Variants in NSFL1C observed in about 807,000 individuals in gnomAD.
NSFL1C encodes NSFL1 cofactor p47.
In NSFL1C, 14 loss-of-function variants were observed where a neutral mutation model predicts 43.1. The ratio of observed to expected loss-of-function variants is 0.32; its 90% CI spans 0.21 to 0.51. The LOEUF (loss-of-function observed/expected upper bound fraction) is 0.51. Among genes scored for constraint, NSFL1C ranks in the 20% least tolerant of loss-of-function variants. NSFL1C has a pLI of 0.98. For missense variants in NSFL1C, 406 were observed against 472.5 expected, an observed-to-expected ratio of 0.86 and a Z score of 1.30; for synonymous variants, 171 against 183.5, an observed-to-expected ratio of 0.93 and a Z score of 0.55.
chr20:1,453,852 G>C (rs2090236248), intron 5 of NSFL1C, among the ~76,000 whole-genome samples: 1 of 152,046 alleles, frequency 6.6e-6, no homozygotes, highest in Non-Finnish European at 1.5e-5. Flanking sequence ...AAAAAGAAAA[G>C]AAAAATTGGT....
rs117424631 is a variant in NSFL1C, at chr20:1,454,786, T to C, written c.444+181A>G. 8.6e-3 allele frequency among the ~76,000 whole-genome samples: 1,307 copies of C among 152,306 alleles called. 11 individuals are homozygous for C. Among genetic ancestry groups the C allele is most frequent in the South Asian group, 0.014 (68 of 4,832 alleles). The stretch of plus-strand genomic sequence containing the variant: ...GACCATAGGCTGTAGGTCTGAAAAC[T>C]CTGCCCCAAATCTTGGTTTCACGTT... On this transcript the variant is annotated intron_variant, in intron 4 of 8. Coordinates refer to ENST00000216879, the MANE Select transcript of NSFL1C (RefSeq NM_016143.5).
chr20:1,454,147 C>A (rs898452896), intron 5 of NSFL1C, 66 bp downstream of exon 5: 1 of 1,272,142 alleles, frequency 7.9e-7, no homozygotes, highest in Admixed American at 1.7e-5. Context: ...AATATGTAAC[C>A]AATCCCTTCA....
chr20:1,447,425 GTT>G lies in NSFL1C; in HGVS notation c.786-1597_786-1596del, dbSNP rs112797476. Among the ~76,000 whole-genome samples, 85 of 138,304 alleles carry G rather than the reference GTT, an allele frequency of 6.1e-4. 2 individuals are homozygous for G. In the East Asian group the frequency reaches 8.2e-3, roughly 13 times the overall value. The allele number at this position is 138,304 out of a possible 152,430, so 90.7% of individuals were successfully genotyped here. On this transcript the variant is annotated intron_variant, in intron 7 of 8. Coordinates refer to ENST00000216879, the MANE Select transcript of NSFL1C (RefSeq NM_016143.5). ...TGTAAACTTTCTTAAAATGTTATGA[GTT>G]TTTTTTTTTTTTTGCTTTTTGTTGT...
In NSFL1C at chr20:1,466,783, C is replaced by A. The variant is rs955342025; in HGVS notation, c.42G>T (p.Ala14=). The change falls in exon 1 of 9, where the codon GCG becomes GCT. Residue 14 remains alanine (A), a synonymous_variant. Coordinates refer to ENST00000216879, the MANE Select transcript of NSFL1C (RefSeq NM_016143.5). ...ERQEALREFV[A]VTGAEEDRAR... is the part of the protein sequence containing the mutation. ...CCCGGTCCTCCTCGGCGCCCGTCAC[C>A]GCCACGAACTCCCTCAGCGCCTCCT... 6.4e-7 allele frequency: 1 copy of A among 1,563,480 alleles called. No homozygotes were observed. Among genetic ancestry groups the A allele is most frequent in the Non-Finnish European group, 8.6e-7 (1 of 1,157,468 alleles).
At chr20:1,454,677 T>C (rs1364841146) in intron 4 of NSFL1C, among the ~76,000 whole-genome samples, 1 of 152,232 alleles carries the variant, frequency 6.6e-6, no homozygotes, top group Non-Finnish European at 1.5e-5. Context: ...AACAGATGAC[T>C]ATTAATTCAA....
At chr20:1,446,902 G>C (rs1270575659) in intron 7 of NSFL1C, among the ~76,000 whole-genome samples, 1 of 152,176 alleles carries the variant, frequency 6.6e-6, no homozygotes, top group African/African-American at 2.4e-5. Flanking sequence ...ATGGTACTGA[G>C]AGCAAATCCA....
At chr20:1,458,977 T>A (rs2090358305) in intron 2 of NSFL1C, among the ~76,000 whole-genome samples, 1 of 150,904 alleles carries the variant, frequency 6.6e-6, no homozygotes. Flanking sequence ...TGAGAAGGGT[T>A]AATTCTCTCT....
intron 7 of NSFL1C, among the ~76,000 whole-genome samples, chr20:1,450,929 T>TA (rs1403984420): frequency 6.6e-6 from 1 of 152,186 alleles, no homozygotes; most frequent in Non-Finnish European, 1.5e-5. Flanking sequence ...ACTTCACTGA[T>TA]AAAGTAAAAA....
intron 2 of NSFL1C, 66 bp from the exon 3 acceptor site, chr20:1,458,340 C>T: frequency 7.3e-7 from 1 of 1,367,260 alleles, no homozygotes; most frequent in Non-Finnish European, 1.0e-6. Context: ...TCATCACCAG[C>T]TGCTAAGGAG....
At chr20:1,445,882 A>G in intron 7 of NSFL1C, 52 bp from the exon 8 acceptor site, 1 of 1,582,792 alleles carries the variant, frequency 6.3e-7, no homozygotes. Flanking sequence ...GCCCCTAGCA[A>G]GAAGGGAATC....
chr20:1,461,932 AT>A (rs1216574836), intron 2 of NSFL1C, among the ~76,000 whole-genome samples: 15 of 152,164 alleles, frequency 9.9e-5, no homozygotes, highest in Non-Finnish European at 2.2e-4. Context: ...AATGGTTAAC[AT>A]TTTTATGTCT....
intron 3 of NSFL1C, 26 bp from the exon 4 acceptor site, chr20:1,455,158 T>C: frequency 6.2e-7 from 1 of 1,613,720 alleles, no homozygotes; most frequent in Non-Finnish European, 8.5e-7. Context: ...ACCTCTAACA[T>C]GAAACACTCA....
At chr20:1,455,236 G>A in intron 3 of NSFL1C, 104 bp from the exon 4 acceptor site, 1 of 1,302,598 alleles carries the variant, frequency 7.7e-7, no homozygotes, top group Admixed American at 1.7e-5. Context: ...TACAATGCTT[G>A]TCTTTAAAGA....
intron 7 of NSFL1C, among the ~76,000 whole-genome samples, chr20:1,449,688 C>T (rs1055424661): frequency 1.3e-5 from 2 of 152,138 alleles, no homozygotes; most frequent in Non-Finnish European, 2.9e-5. Flanking sequence ...CTGCAAACAT[C>T]GTAAGTTATG....
chr20:1,445,948 T>C, intron 7 of NSFL1C, 118 bp from the exon 8 acceptor site: 3 of 1,107,574 alleles, frequency 2.7e-6, no homozygotes, highest in Non-Finnish European at 3.9e-6. Flanking sequence ...TTGGTGCTGC[T>C]GATCTATTGA....
chr20:1,448,190 C>A (rs532863883), intron 7 of NSFL1C, among the ~76,000 whole-genome samples: 1 of 152,350 alleles, frequency 6.6e-6, no homozygotes, highest in African/African-American at 2.4e-5. Flanking sequence ...CACAGCTCCA[C>A]GCCTTTTGGG....
At chr20:1,454,352 C>G (rs1195445981) in intron 4 of NSFL1C, 47 bp from the exon 5 acceptor site, 1 of 1,282,676 alleles carries the variant, frequency 7.8e-7, no homozygotes, top group Non-Finnish European at 1.1e-6. Context: ...GTCCATGGTA[C>G]AAGGGTTACT....
chr20:1,462,124 G>A (rs1404855049), intron 2 of NSFL1C, among the ~76,000 whole-genome samples: 2 of 152,148 alleles, frequency 1.3e-5, no homozygotes, highest in African/African-American at 4.8e-5. Context: ...TCTAGAGTTG[G>A]GTGTTGCTCT....
rs2089985614 is a variant in NSFL1C at position 1,443,191 on chromosome 20, ACT to A, written c.*556_*557del. On this transcript the variant is annotated 3_prime_UTR_variant, in exon 9 of 9. Coordinates refer to ENST00000216879, the MANE Select transcript of NSFL1C (RefSeq NM_016143.5). ...ATATTTATTTTCACCTTCTGAAGAC[ACT>A]GTGTGCATGGAGCTCTGACTTCCCA... The A allele has an allele frequency of 6.5e-6, 1 of 152,678 alleles. No homozygotes were observed. The highest frequency in any genetic ancestry group is 2.4e-5 in the African/African-American group (1 of 41,462). 9.5% of individuals were successfully genotyped at this position (152,678 alleles called of 1,614,324 possible). A position where few individuals can be genotyped will look rare whatever the true frequency, so the allele number is the denominator to read the frequency against.
Sources: gnomAD v4.1 joint callset for allele counts (sites outside exome capture counted in the v4.1 genomes callset) on GRCh38, gnomAD v4.1.1 for gene constraint, MANE v1.5 for transcripts, NCBI Gene and HGNC (gene_info 2026-07-23, HGNC 2026-07-21) for gene names.